Variants in TRRAP observed in about 807,000 individuals in gnomAD.
TRRAP encodes transformation/transcription domain-associated protein.
TRRAP carries 41 observed loss-of-function variants against 438.8 expected under a neutral mutation model. The ratio of observed to expected loss-of-function variants is 0.09; its 90% confidence interval spans 0.07 to 0.12. The LOEUF is 0.12. TRRAP is among the 10% of genes least tolerant of loss of function. The pLI is 1.00. For synonymous variants in TRRAP, 1,994 were observed against 1,962.9 expected (o/e 1.02, Z -0.42); for missense variants, 3,122 against 5,055.1 (o/e 0.62, Z 11.60).
rs199614800 is a variant in TRRAP at position 98,930,648 on chromosome 7, C to A, written c.3409C>A (p.Leu1137Met). The change falls in exon 25 of 73, where the codon CTG becomes ATG. Residue 1137 changes from leucine (L) to methionine (M), a missense_variant. Transcript: ENST00000456197. ...GSKERACQLP[L>M]FSYIVERLCA... ...TCCTCTCCAGGCCTGCCAGCTGCCC[C>A]TGTTTTCTTACATCGTGGAGCGCCT... is the stretch of plus-strand genomic sequence containing the variant. 1 of 1,613,830 alleles carries A rather than the reference C, an allele frequency of 6.2e-7. No individual in the cohort carries two copies. Among genetic ancestry groups the A allele is most frequent in the East Asian group, 2.2e-5 (1 of 44,866 alleles).
intron 67 of TRRAP, among the ~76,000 whole-genome samples, chr7:98,996,843 G>T (rs192417775): frequency 1.3e-5 from 2 of 152,256 alleles, no homozygotes; most frequent in Admixed American, 1.3e-4. Context: ...CTTGGTGACA[G>T]AATAAATAGC....
At chr7:98,952,799 G>T (rs868918472) in intron 39 of TRRAP, among the ~76,000 whole-genome samples, 1 of 152,122 alleles carries the variant, frequency 6.6e-6, no homozygotes, top group African/African-American at 2.4e-5. Flanking sequence ...AGCACTTTAC[G>T]TAAGATAAGG....
chr7:98,981,681 CA>C (rs1233469237), intron 58 of TRRAP, 87 bp from the exon 59 acceptor site: 11 of 1,424,396 alleles, frequency 7.7e-6, no homozygotes, highest in East Asian at 5.3e-5. Flanking sequence ...ACCTAGTGAC[CA>C]AAAAAAGTGA....
chr7:98,962,214 C>G lies in TRRAP; in HGVS notation c.6704-88C>G. 3 of 1,592,170 alleles carry G rather than the reference C, an allele frequency of 1.9e-6. No homozygotes were observed. In the Admixed American group the frequency reaches 5.1e-5, roughly 27 times the overall value. ...GTGCCCGTGCCAATCCCTCCTGATA[C>G]CCAAGCAGCCAGCACTCAGTCCCTG... On this transcript the variant is annotated intron_variant, in intron 46 of 72. Coordinates refer to ENST00000456197, the MANE Select transcript of TRRAP (RefSeq NM_001375524.1).
intron 4 of TRRAP, among the ~76,000 whole-genome samples, chr7:98,890,807 A>T (rs1554404718): frequency 1.2e-4 from 1 of 8,402 alleles, no homozygotes; most frequent in African/African-American, 5.9e-4. Context: ...TTTTTTTTTA[A>T]AAGACAAGGT....
rs1316789952 is a variant in TRRAP, at chr7:98,992,130, T to C, written c.9757-7T>C. ...AGCACTGTTTATAACATCTTGTCTC[T>C]GAGCAGGTTGGACGCGTGTATCCCC... is the stretch of plus-strand genomic sequence containing the variant. On this transcript the variant is annotated splice_polypyrimidine_tract_variant and splice_region_variant and intron_variant, in intron 64 of 72. Coordinates refer to ENST00000456197, the MANE Select transcript of TRRAP (RefSeq NM_001375524.1). 2 of 1,614,054 alleles carry C rather than the reference T, an allele frequency of 1.2e-6. No individual in the cohort carries two copies. Among genetic ancestry groups the C allele is most frequent in the African/African-American group, 2.7e-5 (2 of 74,948 alleles).
At chr7:98,919,196 A>C (rs1789673366) in intron 20 of TRRAP, among the ~76,000 whole-genome samples, 3 of 152,110 alleles carry the variant, frequency 2.0e-5, no homozygotes, top group Admixed American at 2.0e-4. Context: ...TACTCCTAGG[A>C]GTCTCTGTTC....
intron 67 of TRRAP, among the ~76,000 whole-genome samples, chr7:99,000,785 G>A (rs1793886710): frequency 6.6e-6 from 1 of 152,178 alleles, no homozygotes; most frequent in South Asian, 2.1e-4. Context: ...ACCCTGAAGG[G>A]TCGTGGCCAG....
chr7:98,992,560 CGTGTGTGT>C (rs72517544), intron 65 of TRRAP, among the ~76,000 whole-genome samples: 2 of 149,126 alleles, frequency 1.3e-5, no homozygotes, highest in East Asian at 2.0e-4. Context: ...TGCCAGCTGC[CGTGTGTGT>C]GTGTGTGTGT....
intron 11 of TRRAP, 25 bp from the exon 12 acceptor site, chr7:98,903,354 G>A: frequency 1.2e-6 from 2 of 1,613,280 alleles, no homozygotes; most frequent in Non-Finnish European, 1.7e-6. Context: ...CCCTGTAACT[G>A]TGTCATCTCA....
At chr7:98,912,954 A>ATGCAGTGAGGCATGATTTGATTGAGCTC (rs1789344023) in intron 18 of TRRAP, among the ~76,000 whole-genome samples, 1 of 152,192 alleles carries the variant, frequency 6.6e-6, no homozygotes, top group African/African-American at 2.4e-5. Flanking sequence ...AGACGGAAAA[A>ATGCAGTGAGGCATGATTTGATTGAGCTC]TGCAGTGAGG....
Position 98,976,760 on chromosome 7 carries a change from C to T in TRRAP, c.8237C>T (p.Pro2746Leu), listed in dbSNP as rs758307503. The change falls in exon 55 of 73, where the codon CCG (proline) becomes CTG (leucine). Residue 2746 changes from proline (P) to leucine (L), a missense_variant. Coordinates refer to ENST00000456197, the MANE Select transcript of TRRAP (RefSeq NM_001375524.1). The surrounding 1 kb of genome is among the most constrained non-coding windows in gnomAD (Gnocchi z 4.6). ...TTTTATGAGCAGGAGAGCATCACCC[C>T]GCCGCAGCAGGTGAGGGTGCGCCTC... ...TEFYEQESIT[P>L]PQQEILDSLA... 9 of 1,612,824 alleles carry T rather than the reference C, an allele frequency of 5.6e-6. No individual in the cohort carries two copies. The highest frequency in any genetic ancestry group is 5.0e-5 in the Admixed American group (3 of 59,998).
Position 98,893,778 on chromosome 7 carries a change from C to G in TRRAP, c.367-20C>G, listed in dbSNP as rs782361774. ...AGTGAGTCTTCAGAAGTATAACTTT[C>G]ATTAAATGCTTTTTTTTAGACGGAA... On this transcript the variant is annotated intron_variant, in intron 5 of 72. Coordinates refer to ENST00000456197, the MANE Select transcript of TRRAP (RefSeq NM_001375524.1). The G allele has an allele frequency of 2.5e-6, 4 of 1,607,972 alleles. No homozygotes were observed. Among genetic ancestry groups the G allele is most frequent in the East Asian group, 4.5e-5 (2 of 44,836 alleles).
At position 98,957,860 on chromosome 7, in the gene TRRAP, G is replaced by A. The variant is rs143549431; in HGVS notation, c.6232-121G>A. On this transcript the variant is annotated intron_variant, in intron 43 of 72. Coordinates refer to ENST00000456197, the MANE Select transcript of TRRAP (RefSeq NM_001375524.1). ...CACATCTGTCTTTGGTATCCCCAGCGCCCAGAGCTGCCTCTGTCCCCGGGA... is the reference window on the plus strand; with the variant it reads ...CACATCTGTCTTTGGTATCCCCAGCACCCAGAGCTGCCTCTGTCCCCGGGA... 2,665 of 802,802 alleles carry A rather than the reference G, an allele frequency of 3.3e-3. 44 individuals carry two copies. Among genetic ancestry groups the A allele is most frequent in the South Asian group, 0.028 (1,928 of 67,692 alleles). 49.7% of individuals were successfully genotyped at this position (802,802 alleles called of 1,614,324 possible).
intron 37 of TRRAP, 46 bp downstream of exon 37, chr7:98,949,887 A>C (rs782350089): frequency 1.9e-6 from 3 of 1,589,064 alleles, no homozygotes; most frequent in Non-Finnish European, 2.6e-6. Context: ...GCTCTGTCCC[A>C]AAAGCTCAGC....
rs1205586126 is a variant in TRRAP, at chr7:99,004,217, T to C, written c.10337T>C (p.Met3446Thr). The change falls in exon 68 of 73, where the codon ATG becomes ACG. Residue 3446 changes from methionine to threonine, a missense_variant. This residue lies in a region of TRRAP where 107 missense variants were observed against 327.5 expected (regional missense o/e 0.33). Coordinates refer to ENST00000456197, the MANE Select transcript of TRRAP (RefSeq NM_001375524.1). ...TDFDFSVPGS[M>T]KLHNLISKLK... is the part of the protein sequence containing the mutation. ...TTTGACTTCAGCGTTCCAGGATCCA[T>C]GAAGCTTCATAATCTTATTTCTAAG... 2.5e-6 allele frequency: 4 copies of C among 1,612,630 alleles called. No homozygotes were observed. Among genetic ancestry groups the C allele is most frequent in the Non-Finnish European group, 1.7e-6 (2 of 1,179,784 alleles).
intron 33 of TRRAP, among the ~76,000 whole-genome samples, chr7:98,947,048 T>G (rs1791112494): frequency 6.6e-6 from 1 of 152,248 alleles, no homozygotes; most frequent in African/African-American, 2.4e-5. Context: ...TCTCAGGTGC[T>G]GCTGGGAGTG....
chr7:98,886,431 G>GAGATATGGATATCTAGAT (rs1562925056), intron 3 of TRRAP, among the ~76,000 whole-genome samples: 2 of 151,654 alleles, frequency 1.3e-5, no homozygotes, highest in African/African-American at 4.9e-5. Flanking sequence ...GATATCTAGA[G>GAGATATGGATATCTAGAT]AGATATAGAT....
chr7:98,900,634 C>T lies in TRRAP; in HGVS notation c.811C>T (p.Leu271Phe). The change falls in exon 11 of 73, where the codon CTT (leucine) becomes TTT (phenylalanine). Residue 271 changes from leucine (L) to phenylalanine (F), a missense_variant. This residue lies in a region of TRRAP where 343 missense variants were observed against 564.0 expected (regional missense o/e 0.61). Transcript: ENST00000456197. ...QVSAQARQHKLYNKELYADFI... is the reference protein window; with the variant it reads ...QVSAQARQHKFYNKELYADFI... ...TCTCTTCTTATTCAGGCAACATAAGCTTTACAACAAGGAGTTGTATGCTGA... is the reference window on the plus strand; with the variant it reads ...TCTCTTCTTATTCAGGCAACATAAGTTTTACAACAAGGAGTTGTATGCTGA... 2 of 1,610,630 alleles carry T rather than the reference C, an allele frequency of 1.2e-6. No individual in the cohort carries two copies. Among genetic ancestry groups the T allele is most frequent in the South Asian group, 1.1e-5 (1 of 89,938 alleles).
Sources: allele counts gnomAD v4.1 joint callset (sites outside exome capture counted in the v4.1 genomes callset), GRCh38; gene constraint gnomAD v4.1.1; regional missense constraint gnomAD v4.1.1; non-coding constraint Gnocchi (gnomAD v3.1); transcripts MANE v1.5; gene names NCBI Gene and HGNC (gene_info 2026-07-23, HGNC 2026-07-21).